The following CTNNA2 variants were observed in gnomAD, a reference collection of about 807,000 sequenced individuals.
CTNNA2 encodes catenin alpha 2.
Under a neutral mutation model 101.0 loss-of-function variants are expected in CTNNA2, and 42 were observed. The observed-to-expected ratio is 0.42, with a 90% CI of 0.32 to 0.54. The LOEUF (loss-of-function observed/expected upper bound fraction) is 0.54. CTNNA2 is among the 20% of genes least tolerant of loss of function. The pLI, the probability that CTNNA2 is intolerant of heterozygous loss-of-function variation, is 0.14. For missense variants in CTNNA2, 871 were observed against 1,223.1 expected (o/e 0.71, Z 4.29); for synonymous variants, 450 against 456.4 (o/e 0.99, Z 0.18).
chr2:79,193,580 A>G (rs1269939261), intron 1 of CTNNA2, among the ~76,000 whole-genome samples: 2 of 152,186 alleles, frequency 1.3e-5, no homozygotes, highest in East Asian at 1.9e-4. Context: ...CTTAGAATGT[A>G]TCCCCAATAT....
intron 7 of CTNNA2, among the ~76,000 whole-genome samples, chr2:79,992,298 CAA>C (rs145086565): frequency 6.8e-6 from 1 of 147,052 alleles, no homozygotes; most frequent in African/African-American, 2.5e-5. Flanking sequence ...TAAATAATCA[CAA>C]AAAAAAAGAA....
At chr2:79,923,786 T>C (rs1210444297) in intron 7 of CTNNA2, among the ~76,000 whole-genome samples, 1 of 152,168 alleles carries the variant, frequency 6.6e-6, no homozygotes, top group Non-Finnish European at 1.5e-5. Context: ...GTTTCTCTAC[T>C]CTCTGTTTCT....
intron 4 of CTNNA2, among the ~76,000 whole-genome samples, chr2:79,469,281 G>A (rs1325982952): frequency 1.3e-5 from 2 of 152,142 alleles, no homozygotes; most frequent in Non-Finnish European, 2.9e-5. Context: ...AAATCTAGAA[G>A]AAATGGATAC....
intron 9 of CTNNA2, among the ~76,000 whole-genome samples, chr2:80,540,713 G>A (rs181460569): frequency 3.5e-4 from 53 of 151,682 alleles, no homozygotes; most frequent in African/African-American, 1.3e-3. Flanking sequence ...TTCTTTTTTG[G>A]AGATGGAGTC....
chr2:79,413,279 G>C (rs1678438294), intron 4 of CTNNA2, among the ~76,000 whole-genome samples: 1 of 152,004 alleles, frequency 6.6e-6, no homozygotes, highest in Non-Finnish European at 1.5e-5. Flanking sequence ...GGCTCATTTA[G>C]AGTCTATATA....
intron 2 of CTNNA2, among the ~76,000 whole-genome samples, chr2:79,264,071 A>G: frequency 6.6e-6 from 1 of 152,192 alleles, no homozygotes; most frequent in Non-Finnish European, 1.5e-5. Context: ...AATGTAAGTG[A>G]GTGGAACAAT....
intron 7 of CTNNA2, among the ~76,000 whole-genome samples, chr2:79,982,218 A>ATGTG (rs1691345493): frequency 2.5e-5 from 1 of 40,346 alleles, no homozygotes; most frequent in African/African-American, 6.3e-5. Flanking sequence ...ATATATATAT[A>ATGTG]TATATATATA....
chr2:80,595,061 G>T (rs1428389352), intron 15 of CTNNA2, among the ~76,000 whole-genome samples: 2 of 152,044 alleles, frequency 1.3e-5, no homozygotes, highest in African/African-American at 2.4e-5. Context: ...TTTTGATAGG[G>T]ATTACAGTGA....
chr2:79,761,708 A>G (rs890840846), intron 3 of CTNNA2, among the ~76,000 whole-genome samples: 1 of 152,220 alleles, frequency 6.6e-6, no homozygotes, highest in African/African-American at 2.4e-5. Context: ...TACATTCATT[A>G]GAATATGATC....
intron 1 of CTNNA2, among the ~76,000 whole-genome samples, chr2:79,536,502 A>G (rs1673069645): frequency 6.6e-6 from 1 of 151,788 alleles, no homozygotes; most frequent in Admixed American, 6.6e-5. Context: ...ATATTTTTTG[A>G]CTAATAATAT....
intron 8 of CTNNA2, among the ~76,000 whole-genome samples, chr2:80,411,756 G>A (rs1276193235): frequency 6.6e-6 from 1 of 152,124 alleles, no homozygotes; most frequent in Non-Finnish European, 1.5e-5. Flanking sequence ...ATGTAGACAA[G>A]TGACTTAATT....
chr2:79,582,188 A>T (rs568086630), intron 1 of CTNNA2, among the ~76,000 whole-genome samples: 2 of 152,020 alleles, frequency 1.3e-5, no homozygotes, highest in African/African-American at 4.8e-5. Flanking sequence ...ATTGTACTTA[A>T]CTTTCTATCA....
At chr2:80,180,470 G>A (rs1031562930) in intron 7 of CTNNA2, among the ~76,000 whole-genome samples, 18 of 152,304 alleles carry the variant, frequency 1.2e-4, no homozygotes, top group African/African-American at 4.3e-4. Flanking sequence ...TTGCTGCTTT[G>A]CATCTGCTGT....
chr2:80,108,819 A>T (rs567662859), intron 7 of CTNNA2, among the ~76,000 whole-genome samples: 2 of 152,256 alleles, frequency 1.3e-5, no homozygotes, highest in African/African-American at 4.8e-5. Flanking sequence ...GTTTCCTTGA[A>T]ATCACAAGTG....
At chr2:80,050,756 A>C (rs1380764317) in intron 7 of CTNNA2, among the ~76,000 whole-genome samples, 1 of 152,212 alleles carries the variant, frequency 6.6e-6, no homozygotes, top group Non-Finnish European at 1.5e-5. Flanking sequence ...GCTGCAGTGC[A>C]GTGGTACAAT....
chr2:79,701,262 A>G (rs1463646110), intron 2 of CTNNA2, among the ~76,000 whole-genome samples: 2 of 152,146 alleles, frequency 1.3e-5, no homozygotes, highest in South Asian at 2.1e-4. Flanking sequence ...CCAGAATCAC[A>G]TAACTAGTGA....
chr2:80,585,093 A>T (rs1368315891), intron 14 of CTNNA2, among the ~76,000 whole-genome samples: 1 of 151,886 alleles, frequency 6.6e-6, no homozygotes, highest in Non-Finnish European at 1.5e-5. Flanking sequence ...TTGTACTTGA[A>T]ACTTAATGTT....
intron 2 of CTNNA2, among the ~76,000 whole-genome samples, chr2:79,291,029 C>T (rs1030421380): frequency 3.3e-5 from 5 of 152,156 alleles, no homozygotes; most frequent in Admixed American, 6.5e-5. Context: ...GGTCAGAACC[C>T]CACGACCTGC....
At chr2:80,646,220 C>T (rs953699815) in intron 18 of CTNNA2, among the ~76,000 whole-genome samples, 3 of 152,096 alleles carry the variant, frequency 2.0e-5, no homozygotes, top group Non-Finnish European at 4.4e-5. Context: ...CCCCAGAAGG[C>T]TTAATGCAGC....
Sources: gnomAD v4.1 joint callset for allele counts (sites outside exome capture counted in the v4.1 genomes callset) on GRCh38, gnomAD v4.1.1 for gene constraint, MANE v1.5 for transcripts, NCBI Gene and HGNC (gene_info 2026-07-23, HGNC 2026-07-21) for gene names.